OPCML: variants seen among roughly 807,000 people sequenced by gnomAD.
The protein encoded by OPCML is opioid-binding protein/cell adhesion molecule.
In OPCML, 13 loss-of-function variants were observed where a neutral mutation model predicts 37.8. The observed-to-expected ratio is 0.34, with a 90% CI of 0.22 to 0.55. The LOEUF (loss-of-function observed/expected upper bound fraction) is 0.55, where lower values mean the gene tolerates loss of function less well. Ranked by LOEUF, OPCML falls within the 20% of genes least tolerant of loss-of-function variation. The pLI, the probability that OPCML is intolerant of heterozygous loss-of-function variation, is 0.91. For missense variants in OPCML, 341 were observed against 435.6 expected, an observed-to-expected ratio of 0.78 and a Z score of 1.93; for synonymous variants, 176 against 168.8, an observed-to-expected ratio of 1.04 and a Z score of -0.33.
chr11:132,909,087 C>A (rs1351374065), intron 2 of OPCML, among the ~76,000 whole-genome samples: 1 of 152,218 alleles, frequency 6.6e-6, no homozygotes, highest in African/African-American at 2.4e-5. Flanking sequence ...ACCCACACGG[C>A]AGAGCTGAAA....
At chr11:132,807,725 T>C (rs1211404104) in intron 2 of OPCML, among the ~76,000 whole-genome samples, 1 of 152,178 alleles carries the variant, frequency 6.6e-6, no homozygotes, top group Non-Finnish European at 1.5e-5. Flanking sequence ...GCAAGTACCA[T>C]TCTTCTCTGG....
intron 1 of OPCML, among the ~76,000 whole-genome samples, chr11:133,320,836 T>C (rs914591081): frequency 3.9e-5 from 6 of 152,286 alleles, no homozygotes; most frequent in South Asian, 2.1e-4. Context: ...GTAAAGTCCA[T>C]GAAGGAAATT....
At chr11:133,328,861 G>T (rs542740870) in intron 1 of OPCML, among the ~76,000 whole-genome samples, 165 of 152,182 alleles carry the variant, frequency 1.1e-3, no homozygotes, top group Non-Finnish European at 1.6e-3. Context: ...GGAAATAAAG[G>T]GTATTCAATT....
At chr11:133,008,451 G>A (rs1166460774) in intron 1 of OPCML, 1 of 982,574 alleles carries the variant, frequency 1.0e-6, no homozygotes, top group Admixed American at 6.2e-5. Flanking sequence ...TGTGGTAGAT[G>A]CCATGATGCA....
intron 1 of OPCML, among the ~76,000 whole-genome samples, chr11:133,274,432 C>T (rs1941936313): frequency 6.6e-6 from 1 of 152,162 alleles, no homozygotes. Flanking sequence ...GACTGAAGTG[C>T]TGAGCCCACA....
At chr11:133,160,988 G>C (rs1950133780) in intron 1 of OPCML, among the ~76,000 whole-genome samples, 1 of 152,238 alleles carries the variant, frequency 6.6e-6, no homozygotes. Context: ...CAGGTACATG[G>C]AGCTGGATGG....
At chr11:132,884,017 C>T (rs958540433) in intron 2 of OPCML, among the ~76,000 whole-genome samples, 1 of 152,080 alleles carries the variant, frequency 6.6e-6, no homozygotes, top group Non-Finnish European at 1.5e-5. Context: ...AGCAGTCAGA[C>T]ATAATAGGAT....
intron 1 of OPCML, among the ~76,000 whole-genome samples, chr11:132,999,989 A>T (rs750769640): frequency 1.3e-5 from 2 of 152,158 alleles, no homozygotes; most frequent in Admixed American, 6.5e-5. Context: ...GTGTAGACAC[A>T]CCGCTGAGCC....
chr11:132,608,040 T>C (rs1938414273), intron 3 of OPCML, among the ~76,000 whole-genome samples: 1 of 152,194 alleles, frequency 6.6e-6, no homozygotes, highest in Admixed American at 6.5e-5. Flanking sequence ...AAGAGACAAA[T>C]ATTTGAGGTG....
At chr11:132,801,461 C>A (rs1938643921) in intron 2 of OPCML, among the ~76,000 whole-genome samples, 1 of 152,148 alleles carries the variant, frequency 6.6e-6, no homozygotes, top group Non-Finnish European at 1.5e-5. Context: ...TATACCAGCC[C>A]TCTCAACATC....
chr11:132,428,307 A>C (rs1388541999), intron 7 of OPCML, among the ~76,000 whole-genome samples: 1 of 152,222 alleles, frequency 6.6e-6, no homozygotes, highest in Admixed American at 6.5e-5. Flanking sequence ...GAAAGGTATG[A>C]AACTGTATAG....
intron 1 of OPCML, among the ~76,000 whole-genome samples, chr11:133,123,818 A>G (rs1273481434): frequency 2.5e-4 from 38 of 152,110 alleles, no homozygotes; most frequent in Admixed American, 2.5e-3. Context: ...TCATTATTAT[A>G]ATTATCCTAA....
At chr11:133,103,678 T>C (rs1447930432) in intron 1 of OPCML, among the ~76,000 whole-genome samples, 2 of 152,206 alleles carry the variant, frequency 1.3e-5, no homozygotes, top group African/African-American at 4.8e-5. Flanking sequence ...TGAATTTCAT[T>C]TTGTCCCAAT....
chr11:132,722,104 C>T (rs61007849), intron 2 of OPCML, among the ~76,000 whole-genome samples: 6,587 of 151,482 alleles, frequency 0.043, 393 homozygotes, highest in African/African-American at 0.14. Context: ...TACAGACACC[C>T]ACCATCATGC....
At chr11:132,976,920 C>G (rs912371814) in intron 1 of OPCML, among the ~76,000 whole-genome samples, 3 of 152,110 alleles carry the variant, frequency 2.0e-5, no homozygotes, top group Non-Finnish European at 4.4e-5. Flanking sequence ...TTAGATGAAG[C>G]CATAGGGAGC....
intron 2 of OPCML, among the ~76,000 whole-genome samples, chr11:132,935,638 A>T (rs886425388): frequency 1.3e-5 from 2 of 152,242 alleles, no homozygotes; most frequent in African/African-American, 4.8e-5. Context: ...TTTAAGTATT[A>T]TGTATCTCCA....
intron 1 of OPCML, among the ~76,000 whole-genome samples, chr11:132,969,061 G>A (rs771446223): frequency 2.0e-5 from 3 of 152,114 alleles, no homozygotes; most frequent in East Asian, 1.9e-4. Flanking sequence ...TCACCAGAGC[G>A]CTATACACTC....
At chr11:133,098,622 C>T (rs1436159920) in intron 1 of OPCML, among the ~76,000 whole-genome samples, 3 of 152,156 alleles carry the variant, frequency 2.0e-5, no homozygotes, top group African/African-American at 7.2e-5. Flanking sequence ...AAATCCAACA[C>T]CCATTCATGA....
In OPCML at chr11:132,689,310, T is replaced by G. The variant is rs560400670; in HGVS notation, c.147-31991A>C. Among the ~76,000 whole-genome samples, 4 of 152,328 alleles carry G rather than the reference T, an allele frequency of 2.6e-5. No individual in the cohort carries two copies. In the East Asian group the frequency reaches 7.7e-4, roughly 29 times the overall value. On this transcript the variant is annotated intron_variant, in intron 2 of 7. Transcript: ENST00000524381. ...GCCCTCCTTTGTTTTCTCATTGATT[T>G]AAAATGACAAGTTTATAAAGAGCAA...
Sources: allele counts gnomAD v4.1 joint callset (sites outside exome capture counted in the v4.1 genomes callset), GRCh38; gene constraint gnomAD v4.1.1; transcripts MANE v1.5; gene names NCBI Gene and HGNC (gene_info 2026-07-23, HGNC 2026-07-21).